Variants in NRCAM observed in about 807,000 individuals in gnomAD.
The protein encoded by NRCAM is NgCAM-related cell adhesion molecule.
NRCAM carries 83 observed loss-of-function variants against 156.5 expected under a neutral mutation model. That is an observed-to-expected ratio of 0.53 (90% CI 0.44 to 0.64). The LOEUF is 0.64. NRCAM is among the 30% of genes least tolerant of loss of function. NRCAM has a pLI of 0.00. For synonymous variants in NRCAM, 538 were observed against 563.9 expected, an observed-to-expected ratio of 0.95 and a Z score of 0.65; for missense variants, 1,417 against 1,597.3, an observed-to-expected ratio of 0.89 and a Z score of 1.92.
chr7:108,385,963 G>C (rs578244144), intron 2 of NRCAM, among the ~76,000 whole-genome samples: 1 of 152,152 alleles, frequency 6.6e-6, no homozygotes, highest in Admixed American at 6.5e-5. Flanking sequence ...ATATCAATGC[G>C]AGTATGTAAG....
At chr7:108,246,826 G>C (rs1199885723) in intron 3 of NRCAM, among the ~76,000 whole-genome samples, 1 of 152,146 alleles carries the variant, frequency 6.6e-6, no homozygotes, top group East Asian at 1.9e-4. Context: ...TGTTGCATTG[G>C]TGGCCCCAGG....
chr7:108,257,231 C>CT (rs2096719334), intron 3 of NRCAM, among the ~76,000 whole-genome samples: 1 of 152,038 alleles, frequency 6.6e-6, no homozygotes, highest in African/African-American at 2.4e-5. Context: ...CAGGAGGGAA[C>CT]TTTGTCAGTC....
At chr7:108,250,473 T>A (rs1275031884) in intron 3 of NRCAM, among the ~76,000 whole-genome samples, 5 of 150,558 alleles carry the variant, frequency 3.3e-5, no homozygotes, top group Non-Finnish European at 7.4e-5. Context: ...TCCTGTCATT[T>A]GTAACAACAA....
intron 1 of NRCAM, among the ~76,000 whole-genome samples, chr7:108,443,117 T>G (rs1331987421): frequency 2.0e-5 from 3 of 152,194 alleles, no homozygotes; most frequent in Non-Finnish European, 4.4e-5. Context: ...AAGTTCTCAG[T>G]GTTCATCCCA....
chr7:108,360,348 A>T (rs1167620237), intron 2 of NRCAM, among the ~76,000 whole-genome samples: 1 of 152,206 alleles, frequency 6.6e-6, no homozygotes, highest in African/African-American at 2.4e-5. Context: ...AACTGCTGAA[A>T]ATTAACAGCC....
At chr7:108,259,530 A>G (rs2153984972) in intron 3 of NRCAM, among the ~76,000 whole-genome samples, 1 of 152,352 alleles carries the variant, frequency 6.6e-6, no homozygotes, top group East Asian at 1.9e-4. Flanking sequence ...TCTATTATAA[A>G]GATACATGCA....
chr7:108,259,708 C>G (rs1049687690), intron 3 of NRCAM, among the ~76,000 whole-genome samples: 2 of 152,150 alleles, frequency 1.3e-5, no homozygotes, highest in Non-Finnish European at 2.9e-5. Context: ...ATGGATGGAG[C>G]TGGAAGCCAT....
chr7:108,367,713 G>A (rs556601691), intron 2 of NRCAM, among the ~76,000 whole-genome samples: 1 of 152,194 alleles, frequency 6.6e-6, no homozygotes, highest in Admixed American at 6.5e-5. Context: ...AGAACCATGT[G>A]AAAGAAAAAT....
chr7:108,254,558 T>TTTTTTC (rs2096537475), intron 3 of NRCAM, among the ~76,000 whole-genome samples: 2 of 150,410 alleles, frequency 1.3e-5, no homozygotes, highest in African/African-American at 2.5e-5. Flanking sequence ...TTGCTTTTTT[T>TTTTTTC]TTTTTTTTGA....
intron 3 of NRCAM, among the ~76,000 whole-genome samples, chr7:108,298,982 T>C (rs1490305782): frequency 2.7e-5 from 4 of 148,766 alleles, no homozygotes; most frequent in African/African-American, 9.9e-5. Flanking sequence ...GGTGCATGTC[T>C]GTAATCCCAG....
chr7:108,165,989 G>A (rs1424803316), intron 30 of NRCAM, among the ~76,000 whole-genome samples: 2 of 152,172 alleles, frequency 1.3e-5, no homozygotes, highest in East Asian at 1.9e-4. Context: ...GAGCAAATAC[G>A]AATGCTCTCA....
At chr7:108,401,281 C>G (rs1246405574) in intron 1 of NRCAM, among the ~76,000 whole-genome samples, 1 of 151,894 alleles carries the variant, frequency 6.6e-6, no homozygotes, top group African/African-American at 2.4e-5. Context: ...TGGCTCACAC[C>G]TGTAATCCCA....
At chr7:108,337,531 G>A (rs891637986) in intron 2 of NRCAM, among the ~76,000 whole-genome samples, 1 of 152,214 alleles carries the variant, frequency 6.6e-6, no homozygotes, top group African/African-American at 2.4e-5. Flanking sequence ...TCGGGCTAAA[G>A]GCTTGCCATT....
At chr7:108,178,301 T>C in intron 25 of NRCAM, 189 bp from the exon 26 acceptor site, 1 of 557,122 alleles carries the variant, frequency 1.8e-6, no homozygotes, top group Non-Finnish European at 3.2e-6. Context: ...TTTTTCTCTC[T>C]TGTCATTTAC....
intron 2 of NRCAM, among the ~76,000 whole-genome samples, chr7:108,356,996 T>C (rs1042944303): frequency 2.0e-5 from 3 of 152,146 alleles, no homozygotes; most frequent in African/African-American, 7.2e-5. Flanking sequence ...TTCTCTGCCA[T>C]GCAAGGATAC....
At chr7:108,301,096 TAATAA>T (rs574267283) in intron 3 of NRCAM, among the ~76,000 whole-genome samples, 8 of 152,188 alleles carry the variant, frequency 5.3e-5, no homozygotes, top group Non-Finnish European at 1.2e-4. Context: ...ATAATTTTGA[TAATAA>T]AATGAATTTA....
At chr7:108,230,917 G>T (rs2272618) in intron 8 of NRCAM, 114 bp downstream of exon 8, 1 of 761,174 alleles carries the variant, frequency 1.3e-6, no homozygotes, top group Non-Finnish European at 2.1e-6. Flanking sequence ...AAGAGCAGCT[G>T]TTTTCCTGAG....
chr7:108,403,682 G>A (rs1426119550), intron 1 of NRCAM, among the ~76,000 whole-genome samples: 1 of 152,124 alleles, frequency 6.6e-6, no homozygotes, highest in East Asian at 1.9e-4. Flanking sequence ...GAGAAAATGA[G>A]GCCATAGTTG....
chr7:108,169,241 A>C (rs1216214813), intron 28 of NRCAM, among the ~76,000 whole-genome samples: 1 of 152,228 alleles, frequency 6.6e-6, no homozygotes, highest in Non-Finnish European at 1.5e-5. Context: ...GGTAAAGACA[A>C]CATCTAAAGT....
Sources: gnomAD v4.1 joint callset for allele counts (sites outside exome capture counted in the v4.1 genomes callset) on GRCh38, gnomAD v4.1.1 for gene constraint, MANE v1.5 for transcripts, NCBI Gene and HGNC (gene_info 2026-07-23, HGNC 2026-07-21) for gene names.